HTT: variants seen among roughly 807,000 people sequenced by gnomAD.
HTT encodes huntington disease protein.
In HTT, 104 loss-of-function variants were observed where a neutral mutation model predicts 362.3. The observed-to-expected ratio is 0.29, with a 90% CI of 0.24 to 0.34. HTT has a LOEUF of 0.34. Among genes scored for constraint, HTT ranks in the 10% least tolerant of loss-of-function variants. The pLI is 1.00. For synonymous variants in HTT, 1,577 were observed against 1,548.7 expected (o/e 1.02, Z -0.43); for missense variants, 3,301 against 3,928.6 (o/e 0.84, Z 4.27).
At chr4:3,139,848 G>C (rs1481831721) in intron 21 of HTT, among the ~76,000 whole-genome samples, 1 of 150,844 alleles carries the variant, frequency 6.6e-6, no homozygotes, top group African/African-American at 2.5e-5. Flanking sequence ...GACAGACACT[G>C]TTCAGCACTT....
rs1279700279 is a variant in HTT at position 3,228,528 on chromosome 4, A to G, written c.7849-87A>G. 7.0e-7 allele frequency: 1 copy of G among 1,423,740 alleles called. No homozygotes were observed. The highest frequency in any genetic ancestry group is 9.5e-7 in the Non-Finnish European group (1 of 1,057,296). The allele number at this position is 1,423,740 out of a possible 1,614,324, so 88.2% of individuals were successfully genotyped here. A position where few individuals can be genotyped will look rare whatever the true frequency, so the allele number is the denominator to read the frequency against. On this transcript the variant is annotated intron_variant, in intron 57 of 66. Transcript: ENST00000355072. This position sits in a 1 kb window ranked among gnomAD's most constrained non-coding sequence, Gnocchi z 4.3. ...AGGGGCAGACTGTTAGACGGTAGGC[A>G]TGTGCTGAGTCCCAGTGGCCACACC... is the stretch of plus-strand genomic sequence containing the variant.
chr4:3,106,642 C>G (rs539256904), intron 5 of HTT, among the ~76,000 whole-genome samples: 1 of 152,200 alleles, frequency 6.6e-6, no homozygotes, highest in South Asian at 2.1e-4. Context: ...TGCATTGACT[C>G]ATTAGTCTGA....
At chr4:3,159,928 G>A (rs1295373238) in intron 28 of HTT, among the ~76,000 whole-genome samples, 1 of 152,114 alleles carries the variant, frequency 6.6e-6, no homozygotes, top group East Asian at 1.9e-4. Context: ...ATAAGGAATA[G>A]GACTTAGTAT....
At chr4:3,221,673 G>A (rs1415601127) in intron 53 of HTT, among the ~76,000 whole-genome samples, 3 of 152,190 alleles carry the variant, frequency 2.0e-5, no homozygotes, top group South Asian at 2.1e-4. Context: ...CACAAGTGGC[G>A]TGGCTGCCTC....
chr4:3,167,449 A>G (rs7654034), intron 29 of HTT, among the ~76,000 whole-genome samples: 1 of 152,240 alleles, frequency 6.6e-6, no homozygotes, highest in South Asian at 2.1e-4. Flanking sequence ...GTCTCCATGT[A>G]TAACACATTT....
Position 3,173,014 on chromosome 4 carries a change from T to C in HTT, c.4049T>C (p.Val1350Ala). The C allele has an allele frequency of 6.2e-7, 1 of 1,614,162 alleles. No individual in the cohort carries two copies. Among genetic ancestry groups the C allele is most frequent in the Non-Finnish European group, 8.5e-7 (1 of 1,180,018 alleles). ...GCACAGCGCCTTGGCTCCTCCAGTG[T>C]GAGGCCAGGCTTGTACCACTACTGC... The part of the protein sequence containing the change: ...GRAQRLGSSS[V>A]RPGLYHYCFM... Residue 1350 changes from valine to alanine, a missense_variant, in exon 31 of 67, where the codon GTG becomes GCG. This residue lies in a region of HTT where 2,316 missense variants were observed against 2,658.5 expected (regional missense o/e 0.87). Coordinates refer to ENST00000355072, the MANE Select transcript of HTT (RefSeq NM_001388492.1).
intron 2 of HTT, among the ~76,000 whole-genome samples, chr4:3,087,544 C>A (rs1327812245): frequency 6.6e-6 from 1 of 152,208 alleles, no homozygotes; most frequent in Non-Finnish European, 1.5e-5. Context: ...GAACTAGCAG[C>A]ACCTTCTTTT....
chr4:3,231,727 G>A (rs1453018962), intron 60 of HTT, among the ~76,000 whole-genome samples: 1 of 152,146 alleles, frequency 6.6e-6, no homozygotes, highest in Non-Finnish European at 1.5e-5. Flanking sequence ...TCTGGGTGTT[G>A]CCCACACGAT....
chr4:3,123,197 C>T (rs554465758), intron 10 of HTT: 128 of 343,818 alleles, frequency 3.7e-4, no homozygotes, highest in African/African-American at 1.9e-3. Flanking sequence ...TTCTAATGTT[C>T]GGGGTCAGCA....
At chr4:3,187,063 G>A (rs1257847124) in intron 38 of HTT, among the ~76,000 whole-genome samples, 1 of 151,530 alleles carries the variant, frequency 6.6e-6, no homozygotes, top group Non-Finnish European at 1.5e-5. Flanking sequence ...GTTTCACCGT[G>A]TTAGCCAGGA....
At chr4:3,081,629 G>A (rs1165380173) in intron 1 of HTT, among the ~76,000 whole-genome samples, 2 of 147,182 alleles carry the variant, frequency 1.4e-5, no homozygotes, top group African/African-American at 5.0e-5. Flanking sequence ...CGCGATCTCG[G>A]CTCACTGCAA....
At chr4:3,226,144 G>A (rs1720900709) in intron 57 of HTT, among the ~76,000 whole-genome samples, 1 of 152,086 alleles carries the variant, frequency 6.6e-6, no homozygotes, top group East Asian at 1.9e-4. Flanking sequence ...ATGGGGGGCC[G>A]CAGGCGTGGC....
In HTT at chr4:3,228,887, C is replaced by T. The variant is rs765523847; in HGVS notation, c.7987C>T (p.Arg2663Trp). 7.4e-5 allele frequency: 119 copies of T among 1,612,750 alleles called. No individual in the cohort carries two copies. Among genetic ancestry groups the T allele is most frequent in the Non-Finnish European group, 9.8e-5 (115 of 1,179,040 alleles). The change falls in exon 59 of 67, where the codon CGG becomes TGG. Residue 2663 changes from arginine (R) to tryptophan (W), a missense_variant. Physicochemically the swap from Arg to Trp is moderately radical, Grantham distance 101. Coordinates refer to ENST00000355072, the MANE Select transcript of HTT (RefSeq NM_001388492.1). This position sits in a 1 kb window ranked among gnomAD's most constrained non-coding sequence, Gnocchi z 4.3. ...PTSPVNSRKHRAGVDIHSCSQ... is the reference protein window; with the variant it reads ...PTSPVNSRKHWAGVDIHSCSQ... ...ATCTCGCATATTCCACAGGAAACACCGGGCTGGAGTTGACATCCACTCCTG... is the reference window on the plus strand; with the variant it reads ...ATCTCGCATATTCCACAGGAAACACTGGGCTGGAGTTGACATCCACTCCTG...
chr4:3,115,541 C>A, intron 7 of HTT, 96 bp downstream of exon 7: 1 of 1,029,786 alleles, frequency 9.7e-7, no homozygotes, highest in Non-Finnish European at 1.4e-6. Context: ...GCTTCTAGAC[C>A]AGGCTATTTG....
At chr4:3,215,260 TA>T (rs778605257) in intron 51 of HTT, 49 bp downstream of exon 51, 18 of 1,409,968 alleles carry the variant, frequency 1.3e-5, no homozygotes, top group Middle Eastern at 3.5e-4. Context: ...CTCCAGGACT[TA>T]AAAATCATTC....
chr4:3,212,528 A>G, intron 48 of HTT, 36 bp from the exon 49 acceptor site: 1 of 1,600,702 alleles, frequency 6.2e-7, no homozygotes, highest in Non-Finnish European at 8.5e-7. Flanking sequence ...ATCTGTGCTC[A>G]CGTTTGCACC....
rs768259490 is a variant in HTT, at chr4:3,215,134, T to A, written c.6977T>A (p.Leu2326His). 3 of 1,614,100 alleles carry A rather than the reference T, an allele frequency of 1.9e-6. No individual in the cohort carries two copies. The highest frequency in any genetic ancestry group is 1.7e-6 in the Non-Finnish European group (2 of 1,179,972). ...EAVAVQPGEQ[L>H]LSPERRTNTP... ...GTTGCAGTGCAGCCTGGAGAGCAGC[T>A]TCTTAGTCCAGAAAGAAGGACAAAT... Residue 2326 changes from leucine to histidine, a missense_variant, in exon 51 of 67, where the codon CTT becomes CAT. Leu to His is a moderately conservative substitution (Grantham distance 99). Around this residue, in one of 4 missense-constraint regions of HTT, gnomAD observed 220 missense variants for 218.5 expected, o/e 1.01. Coordinates refer to ENST00000355072, the MANE Select transcript of HTT (RefSeq NM_001388492.1).
intron 3 of HTT, among the ~76,000 whole-genome samples, chr4:3,103,426 A>C (rs184019896): frequency 3.3e-5 from 5 of 151,662 alleles, no homozygotes; most frequent in East Asian, 1.9e-4. Context: ...GAGTTTCTCC[A>C]TGTTGGTCAG....
At chr4:3,239,117 G>T in intron 66 of HTT, 139 bp downstream of exon 66, 9 of 889,700 alleles carry the variant, frequency 1.0e-5, no homozygotes, top group Non-Finnish European at 1.3e-5. Context: ...CCCCAGGGAA[G>T]TAAAATGCTG....
Sources: gnomAD v4.1 joint callset for allele counts (sites outside exome capture counted in the v4.1 genomes callset) on GRCh38, gnomAD v4.1.1 for gene constraint, gnomAD v4.1.1 regional missense constraint, Gnocchi (gnomAD v3.1) non-coding constraint, MANE v1.5 for transcripts, NCBI Gene and HGNC (gene_info 2026-07-23, HGNC 2026-07-21) for gene names.